The following PCDH9 variants were observed in gnomAD, a reference collection of about 807,000 sequenced individuals.
The protein encoded by PCDH9 is protocadherin-9.
Under a neutral mutation model 70.6 loss-of-function variants are expected in PCDH9, and 24 were observed. The ratio of observed to expected loss-of-function variants is 0.34; its 90% confidence interval spans 0.25 to 0.48. The LOEUF (loss-of-function observed/expected upper bound fraction) is 0.48. PCDH9 is among the 20% of genes least tolerant of loss of function. The pLI, the probability that PCDH9 is intolerant of heterozygous loss-of-function variation, is 0.99. For missense variants in PCDH9, 1,281 were observed against 1,503.6 expected (o/e 0.85, Z 2.45); for synonymous variants, 562 against 558.5 (o/e 1.01, Z -0.09).
intron 4 of PCDH9, among the ~76,000 whole-genome samples, chr13:66,507,231 G>A (rs1959233566): frequency 6.6e-6 from 1 of 152,194 alleles, no homozygotes; most frequent in Non-Finnish European, 1.5e-5. Flanking sequence ...TATAAGGAAA[G>A]TGAAATTAAA....
At chr13:66,509,903 T>C (rs1403659564) in intron 4 of PCDH9, among the ~76,000 whole-genome samples, 2 of 152,204 alleles carry the variant, frequency 1.3e-5, no homozygotes, top group Admixed American at 6.5e-5. Context: ...AACTGGACAT[T>C]GAAAACATTT....
chr13:66,696,684 T>C (rs1309300484), intron 3 of PCDH9, among the ~76,000 whole-genome samples: 3 of 152,106 alleles, frequency 2.0e-5, no homozygotes, highest in Non-Finnish European at 2.9e-5. Context: ...CAAATGTTTG[T>C]AGTCACAACA....
Position 66,536,499 on chromosome 13 carries a change from T to C in PCDH9, c.3340+94711A>G, listed in dbSNP as rs1432294497. ...TCCTGTATATTTTAATATTCAATTA[T>C]CACATATCTGTGAGGAAAACATGAC... On this transcript the variant is annotated intron_variant, in intron 4 of 4. Coordinates refer to ENST00000377865, the MANE Select transcript of PCDH9 (RefSeq NM_203487.3). Among the ~76,000 whole-genome samples the C allele has an allele frequency of 5.9e-5, 9 of 152,270 alleles. 1 individual carries two copies. The South Asian group carries it at 1.9e-3, about 32-fold the overall frequency.
At chr13:66,563,839 C>T (rs34680756) in intron 4 of PCDH9, among the ~76,000 whole-genome samples, 25,637 of 152,114 alleles carry the variant, frequency 0.17, 2,599 homozygotes, top group Non-Finnish European at 0.22. Context: ...ATAATGCCCA[C>T]CCCCTCTGTT....
chr13:66,776,229 T>A (rs2079890372), intron 3 of PCDH9, among the ~76,000 whole-genome samples: 1 of 151,316 alleles, frequency 6.6e-6, no homozygotes, highest in Admixed American at 6.6e-5. Context: ...AAGACAGGGA[T>A]GCCCTCTCTC....
At chr13:66,333,840 G>A (rs1291574655) in intron 4 of PCDH9, among the ~76,000 whole-genome samples, 1 of 152,072 alleles carries the variant, frequency 6.6e-6, no homozygotes, top group Non-Finnish European at 1.5e-5. Context: ...TAGGCCATGG[G>A]ATCCAGATAT....
At chr13:67,113,617 G>A (rs1177435613) in intron 2 of PCDH9, among the ~76,000 whole-genome samples, 2 of 151,384 alleles carry the variant, frequency 1.3e-5, no homozygotes, top group African/African-American at 4.9e-5. Context: ...GCGCCATCTC[G>A]GCTCACTGCA....
intron 2 of PCDH9, among the ~76,000 whole-genome samples, chr13:67,038,811 G>GCCC (rs953457159): frequency 5.9e-5 from 9 of 152,244 alleles, no homozygotes; most frequent in African/African-American, 2.2e-4. Flanking sequence ...TTGGGTCTTT[G>GCCC]CCCTGGTTCC....
intron 3 of PCDH9, among the ~76,000 whole-genome samples, chr13:66,695,343 C>A (rs4591019): frequency 7.2e-5 from 11 of 151,988 alleles, no homozygotes; most frequent in Non-Finnish European, 1.5e-4. Context: ...TTCAGTAACA[C>A]CTTTAATGAA....
chr13:66,421,845 T>C (rs1199330164), intron 4 of PCDH9, among the ~76,000 whole-genome samples: 1 of 152,144 alleles, frequency 6.6e-6, no homozygotes, highest in Non-Finnish European at 1.5e-5. Context: ...AATGCCCCAA[T>C]TAAAAGGCAC....
intron 4 of PCDH9, among the ~76,000 whole-genome samples, chr13:66,327,402 G>C (rs1955867122): frequency 6.6e-6 from 1 of 152,182 alleles, no homozygotes; most frequent in African/African-American, 2.4e-5. Flanking sequence ...TCCATAAATA[G>C]GAGAATGGGA....
chr13:66,909,575 C>T lies in PCDH9; in HGVS notation c.3037-5970G>A, dbSNP rs189283852. On this transcript the variant is annotated intron_variant, in intron 2 of 4. Coordinates refer to ENST00000377865, the MANE Select transcript of PCDH9 (RefSeq NM_203487.3). ...ACGAGGTCAGGAGATGGAGACCATC[C>T]TGGCTAACATGGTGAAACCCCATCT... Among the ~76,000 whole-genome samples the T allele has an allele frequency of 4.0e-3, 616 of 152,262 alleles. 2 individuals carry two copies. Among genetic ancestry groups the T allele is most frequent in the Non-Finnish European group, 5.8e-3 (395 of 68,016 alleles).
intron 3 of PCDH9, among the ~76,000 whole-genome samples, chr13:66,698,401 T>C (rs1354231491): frequency 1.3e-5 from 2 of 152,228 alleles, no homozygotes; most frequent in East Asian, 3.8e-4. Flanking sequence ...GGTTTGAATT[T>C]GAATTCTCTT....
At chr13:66,856,335 A>C (rs1451501832) in intron 3 of PCDH9, among the ~76,000 whole-genome samples, 1 of 152,054 alleles carries the variant, frequency 6.6e-6, no homozygotes, top group East Asian at 1.9e-4. Context: ...TCAACTTATG[A>C]AAGCAATGGG....
intron 4 of PCDH9, among the ~76,000 whole-genome samples, chr13:66,421,236 A>G (rs962233460): frequency 2.0e-5 from 3 of 152,190 alleles, no homozygotes; most frequent in African/African-American, 7.2e-5. Context: ...GGAGAATGGA[A>G]CCAAGTTGGA....
chr13:66,404,508 T>G (rs1010151378), intron 4 of PCDH9, among the ~76,000 whole-genome samples: 6 of 151,966 alleles, frequency 3.9e-5, no homozygotes, highest in Non-Finnish European at 1.5e-5. Flanking sequence ...GAAATTGGAT[T>G]CACAAGGAGG....
intron 2 of PCDH9, among the ~76,000 whole-genome samples, chr13:67,070,667 T>C (rs902701170): frequency 6.6e-6 from 1 of 152,176 alleles, no homozygotes. Context: ...AATCATTAGA[T>C]TCAGTCTTAA....
chr13:67,137,990 A>G (rs992591367), intron 2 of PCDH9, among the ~76,000 whole-genome samples: 21 of 152,198 alleles, frequency 1.4e-4, no homozygotes. Context: ...TCATGCATAA[A>G]TCATGTTCTA....
intron 2 of PCDH9, among the ~76,000 whole-genome samples, chr13:67,040,112 A>G (rs1297515746): frequency 3.9e-5 from 6 of 152,244 alleles, no homozygotes; most frequent in Admixed American, 6.5e-5. Context: ...ATAAACATAC[A>G]GATCATATTA....
Sources: gnomAD v4.1 joint callset for allele counts (sites outside exome capture counted in the v4.1 genomes callset) on GRCh38, gnomAD v4.1.1 for gene constraint, MANE v1.5 for transcripts, NCBI Gene and HGNC (gene_info 2026-07-23, HGNC 2026-07-21) for gene names.